Variants in SLC25A13 observed in about 807,000 individuals in gnomAD.
The protein encoded by SLC25A13 is solute carrier family 25 member 13.
In SLC25A13, 70 loss-of-function variants were observed where a neutral mutation model predicts 85.5. The observed-to-expected ratio is 0.82, with a 90% CI of 0.68 to 1.00. The LOEUF is 1.00. SLC25A13 is among the 50% of genes least tolerant of loss of function. The probability of loss-of-function intolerance (pLI) is 0.00; values close to 1 mark genes in which losing one functional copy is unlikely to be tolerated. For synonymous variants in SLC25A13, 259 were observed against 288.7 expected, an observed-to-expected ratio of 0.90 and a Z score of 1.04; for missense variants, 765 against 819.8, an observed-to-expected ratio of 0.93 and a Z score of 0.82.
chr7:96,185,336 G>A (rs1359990046), intron 9 of SLC25A13, among the ~76,000 whole-genome samples: 2 of 152,054 alleles, frequency 1.3e-5, no homozygotes, highest in African/African-American at 2.4e-5. Context: ...GGTGGCTCAC[G>A]CCTGTAATCC....
chr7:96,127,739 A>T (rs1312276768), intron 15 of SLC25A13, among the ~76,000 whole-genome samples: 2 of 152,234 alleles, frequency 1.3e-5, no homozygotes, highest in Non-Finnish European at 2.9e-5. Context: ...TAGCCATGAG[A>T]CATTTTTGTT....
intron 11 of SLC25A13, among the ~76,000 whole-genome samples, chr7:96,172,983 C>G (rs1250533623): frequency 6.6e-6 from 1 of 152,232 alleles, no homozygotes; most frequent in Admixed American, 6.5e-5. Context: ...TGGTCTCCAT[C>G]TCCTGACCTC....
chr7:96,280,299 C>G (rs1187711958), intron 2 of SLC25A13, among the ~76,000 whole-genome samples: 1 of 152,122 alleles, frequency 6.6e-6, no homozygotes, highest in East Asian at 1.9e-4. Flanking sequence ...TTAAAAAAGA[C>G]ATTGAATTAT....
intron 13 of SLC25A13, among the ~76,000 whole-genome samples, chr7:96,153,164 G>C (rs1248589816): frequency 6.6e-6 from 1 of 152,152 alleles, no homozygotes; most frequent in Non-Finnish European, 1.5e-5. Context: ...ACAGAGTTGG[G>C]GGATAAATTT....
At chr7:96,313,458 G>A (rs138386237) in intron 1 of SLC25A13, among the ~76,000 whole-genome samples, 123 of 152,326 alleles carry the variant, frequency 8.1e-4, no homozygotes, top group African/African-American at 2.9e-3. Context: ...CATGTCCTTT[G>A]CAACAACATG....
chr7:96,201,790 CG>C (rs1795267154), intron 5 of SLC25A13, among the ~76,000 whole-genome samples: 1 of 152,056 alleles, frequency 6.6e-6, no homozygotes, highest in Non-Finnish European at 1.5e-5. Context: ...GGTGGTTGGG[CG>C]GGGGTAGTAG....
chr7:96,154,548 C>T (rs1793178861), intron 13 of SLC25A13, among the ~76,000 whole-genome samples: 1 of 152,140 alleles, frequency 6.6e-6, no homozygotes, highest in Non-Finnish European at 1.5e-5. Context: ...CTGCCTGCCT[C>T]AGCCCCCCAG....
chr7:96,163,625 G>A (rs1271430767), intron 13 of SLC25A13, among the ~76,000 whole-genome samples: 25 of 152,180 alleles, frequency 1.6e-4, no homozygotes, highest in Non-Finnish European at 1.5e-5. Context: ...TTCCTGTTAG[G>A]AGGAAAGCCT....
chr7:96,209,745 A>G (rs1179687804), intron 4 of SLC25A13, among the ~76,000 whole-genome samples: 1 of 152,158 alleles, frequency 6.6e-6, no homozygotes, highest in Non-Finnish European at 1.5e-5. Flanking sequence ...ACAAACAAAC[A>G]AGAAAAAAAC....
Position 96,275,193 on chromosome 7 carries a change from G to C in SLC25A13, c.212+2003C>G, listed in dbSNP as rs138802367. 4.9e-4 allele frequency among the ~76,000 whole-genome samples: 75 copies of C among 152,198 alleles called. 1 individual carries two copies. Among genetic ancestry groups the C allele is most frequent in the African/African-American group, 1.7e-3 (71 of 41,518 alleles). On this transcript the variant is annotated intron_variant, in intron 3 of 17. Transcript: ENST00000265631. ...CTTTTATTTCATTGAGCAGTGGTTT[G>C]TAGTTCAGTTAGAATGGCGATCATT... is the stretch of plus-strand genomic sequence containing the variant.
At chr7:96,266,604 T>C (rs894916985) in intron 3 of SLC25A13, among the ~76,000 whole-genome samples, 1 of 152,076 alleles carries the variant, frequency 6.6e-6, no homozygotes, top group Non-Finnish European at 1.5e-5. Context: ...TTTCTGAAAT[T>C]AAAAAGAAAA....
chr7:96,270,731 TAAACA>T (rs1436836276), intron 3 of SLC25A13, among the ~76,000 whole-genome samples: 4 of 151,980 alleles, frequency 2.6e-5, no homozygotes, highest in African/African-American at 9.7e-5. Flanking sequence ...TATAAATAAA[TAAACA>T]AAACAAATTC....
chr7:96,152,245 C>T lies in SLC25A13; in HGVS notation c.1312-5549G>A, dbSNP rs193071278. Among the ~76,000 whole-genome samples the T allele has an allele frequency of 2.6e-3, 390 of 152,236 alleles. 1 individual carries two copies. The highest frequency in any genetic ancestry group is 9.1e-3 in the African/African-American group (377 of 41,544). ...GGCTGCATTCTGGAGATGGTCTGTG[C>T]GACTATGTAGCAGCAGGAGAGCTGG... is the stretch of plus-strand genomic sequence containing the variant. On this transcript the variant is annotated intron_variant, in intron 13 of 17. Coordinates refer to ENST00000265631, the MANE Select transcript of SLC25A13 (RefSeq NM_014251.3).
chr7:96,263,240 C>A (rs1386232627), intron 3 of SLC25A13, among the ~76,000 whole-genome samples: 1 of 152,082 alleles, frequency 6.6e-6, no homozygotes, highest in South Asian at 2.1e-4. Context: ...TCCCGGACAC[C>A]CAGGTTACCC....
At chr7:96,165,541 G>A (rs767224418) in intron 13 of SLC25A13, among the ~76,000 whole-genome samples, 13 of 152,164 alleles carry the variant, frequency 8.5e-5, no homozygotes, top group Non-Finnish European at 1.9e-4. Flanking sequence ...TTTCTGATAA[G>A]CAAAGCACAT....
At chr7:96,267,735 G>A (rs745417309) in intron 3 of SLC25A13, among the ~76,000 whole-genome samples, 7 of 150,288 alleles carry the variant, frequency 4.7e-5, no homozygotes, top group Non-Finnish European at 1.0e-4. Context: ...AATTGCTTGA[G>A]CCCAGTAAGG....
chr7:96,306,942 G>T (rs117447963), intron 1 of SLC25A13: 1 of 915,118 alleles, frequency 1.1e-6, no homozygotes, highest in East Asian at 2.5e-5. Context: ...CACCACACTC[G>T]CATTTCCTCC....
At chr7:96,288,582 T>A (rs923768825) in intron 2 of SLC25A13, among the ~76,000 whole-genome samples, 2 of 152,154 alleles carry the variant, frequency 1.3e-5, no homozygotes, top group African/African-American at 4.8e-5. Context: ...AATACTGCGC[T>A]TTTCCAACGG....
intron 8 of SLC25A13, 59 bp downstream of exon 8, chr7:96,189,522 C>T (rs1168398160): frequency 1.9e-6 from 3 of 1,553,278 alleles, no homozygotes; most frequent in Non-Finnish European, 2.7e-6. Context: ...TTGCTGCCCT[C>T]CTCCTAACCT....
Sources: allele counts gnomAD v4.1 joint callset (sites outside exome capture counted in the v4.1 genomes callset), GRCh38; gene constraint gnomAD v4.1.1; transcripts MANE v1.5; gene names NCBI Gene and HGNC (gene_info 2026-07-23, HGNC 2026-07-21).